Variants in AMOT observed in about 807,000 individuals in gnomAD.
The protein encoded by AMOT is angiomotin.
AMOT carries 11 observed loss-of-function variants against 67.0 expected under a neutral mutation model. That is an observed-to-expected ratio of 0.16 (90% CI 0.10 to 0.27). The LOEUF is 0.27. Among genes scored for constraint, AMOT ranks in the 10% least tolerant of loss-of-function variants. The pLI, the probability that AMOT is intolerant of heterozygous loss-of-function variation, is 1.00. For synonymous variants in AMOT, 326 were observed against 321.4 expected (o/e 1.01, Z -0.15); for missense variants, 753 against 852.0 (o/e 0.88, Z 1.45).
rs1932979410 is a variant in AMOT at position 112,777,930 on chromosome X, C to T, written c.*637G>A. On this transcript the variant is annotated 3_prime_UTR_variant, in exon 14 of 14. Coordinates refer to ENST00000371959, the MANE Select transcript of AMOT (RefSeq NM_001113490.2). ...CCTCCAGGAGGGAACCAAAAGAATC[C>T]ATTTCCAAAGCACCACTGAAATGAA... 1 of 112,336 alleles carries T rather than the reference C, an allele frequency of 8.9e-6. No individual in the cohort carries two copies. Among genetic ancestry groups the T allele is most frequent in the African/African-American group, 3.2e-5 (1 of 30,802 alleles). The allele number at this position is 112,336 out of a possible 1,213,427, so 9.3% of individuals were successfully genotyped here.
chrX:112,812,146 G>A (rs1050115811), intron 5 of AMOT, among the ~76,000 whole-genome samples: 1 of 111,910 alleles, frequency 8.9e-6, no homozygotes, highest in African/African-American at 3.3e-5. Flanking sequence ...TGGGGAAGTG[G>A]GGAGGAGAAC....
At chrX:112,807,150 G>C (rs1241123339) in intron 7 of AMOT, among the ~76,000 whole-genome samples, 1 of 110,805 alleles carries the variant, frequency 9.0e-6, no homozygotes, top group Non-Finnish European at 1.9e-5. Flanking sequence ...CCTTCCACAC[G>C]AGAGAAGGAA....
At chrX:112,795,553 AG>A (rs1382944929) in intron 8 of AMOT, among the ~76,000 whole-genome samples, 1 of 111,315 alleles carries the variant, frequency 9.0e-6, no homozygotes, top group East Asian at 2.8e-4. Flanking sequence ...CTACAATGGC[AG>A]AGTCGAACAG....
intron 8 of AMOT, 40 bp downstream of exon 8, chrX:112,804,907 T>TGCAACAGGTGGCAC: frequency 1.9e-6 from 1 of 525,001 alleles, no homozygotes. Context: ...TTCCCAGCCC[T>TGCAACAGGTGGCAC]CCCACCCCCA....
chrX:112,804,898 T>TGACCC, intron 8 of AMOT, 49 bp downstream of exon 8: 8 of 837,574 alleles, frequency 9.6e-6, no homozygotes, highest in East Asian at 3.8e-5. Context: ...GTCCCCGATT[T>TGACCC]CCCAGCCCTC....
In AMOT at chrX:112,780,929, G is replaced by T. The variant is rs2286063; in HGVS notation, c.2430C>A (p.Ile810=). 0.075 allele frequency: 90,511 copies of T among 1,209,693 alleles called. 3,496 individuals carry two copies. The highest frequency in any genetic ancestry group is 0.24 in the Admixed American group (10,818 of 45,746). ...TCTTGTCGTCTCGCTTTTCTTCCATGATGGGGGAGCCAGTCAGGGTGGATG... is the reference window on the plus strand; with the variant it reads ...TCTTGTCGTCTCGCTTTTCTTCCATTATGGGGGAGCCAGTCAGGGTGGATG... The part of the protein sequence containing the change: ...SHSSTLTGSP[I]MEEKRDDKSW... The change falls in exon 12 of 14, where the codon ATC becomes ATA. Residue 810 remains isoleucine (I), a synonymous_variant. Transcript: ENST00000371959.
intron 2 of AMOT, among the ~76,000 whole-genome samples, chrX:112,830,121 GA>G (rs1291227727): frequency 1.8e-5 from 2 of 111,573 alleles, no homozygotes; most frequent in Non-Finnish European, 3.8e-5. Context: ...TTTTAATAAA[GA>G]AAAAAATCAC....
intron 4 of AMOT, chrX:112,819,227 C>A: frequency 5.8e-6 from 2 of 347,572 alleles, no homozygotes; most frequent in Non-Finnish European, 7.5e-6. Flanking sequence ...CATGCACACA[C>A]ACACTCCACA....
intron 8 of AMOT, among the ~76,000 whole-genome samples, chrX:112,793,363 C>T (rs1425570710): frequency 8.9e-6 from 1 of 111,909 alleles, no homozygotes; most frequent in East Asian, 2.8e-4. Flanking sequence ...TAAGAAGTTA[C>T]CCACCCTACC....
At chrX:112,790,065 C>T (rs995068003) in intron 10 of AMOT, among the ~76,000 whole-genome samples, 4 of 102,977 alleles carry the variant, frequency 3.9e-5, no homozygotes, top group Admixed American at 1.1e-4. Context: ...CGCTCACGCA[C>T]GATGAGGTTA....
chrX:112,789,684 T>C (rs1437626490), intron 10 of AMOT, among the ~76,000 whole-genome samples: 1 of 110,496 alleles, frequency 9.1e-6, no homozygotes, highest in Non-Finnish European at 1.9e-5. Context: ...TTACCACGTT[T>C]AGGAGAATGT....
At position 112,776,206 on chromosome X, in the gene AMOT, A is replaced by G. The variant is rs1381349117; in HGVS notation, c.*2361T>C. ...AAGAGATGGCTACCACACAATGTGG[A>G]ATGTATGACATTTGTCACCTTGCAG... On this transcript the variant is annotated 3_prime_UTR_variant, in exon 14 of 14. Coordinates refer to ENST00000371959, the MANE Select transcript of AMOT (RefSeq NM_001113490.2). The G allele has an allele frequency of 8.9e-6, 1 of 112,393 alleles. No individual in the cohort carries two copies. Among genetic ancestry groups the G allele is most frequent in the Non-Finnish European group, 1.9e-5 (1 of 53,318 alleles). 9.3% of individuals were successfully genotyped at this position (112,393 alleles called of 1,213,427 possible).
At chrX:112,813,680 C>T (rs1007827122) in intron 5 of AMOT, among the ~76,000 whole-genome samples, 9 of 111,103 alleles carry the variant, frequency 8.1e-5, no homozygotes, top group Non-Finnish European at 3.8e-5. Flanking sequence ...AAAAAGGGCC[C>T]GTATTAGAGC....
chrX:112,801,247 T>C (rs1309777379), intron 8 of AMOT, among the ~76,000 whole-genome samples: 1 of 111,247 alleles, frequency 9.0e-6, no homozygotes, highest in Non-Finnish European at 1.9e-5. Context: ...TGTCTTTGAA[T>C]GGGAGAATAC....
At chrX:112,815,259 T>C in intron 5 of AMOT, 99 bp downstream of exon 5, 3 of 1,045,047 alleles carry the variant, frequency 2.9e-6, no homozygotes, top group East Asian at 3.0e-5. Context: ...CTGCCACAAG[T>C]AATGCTGGGA....
intron 1 of AMOT, among the ~76,000 whole-genome samples, chrX:112,838,514 A>C (rs141100663): frequency 0.031 from 3,432 of 111,882 alleles, 128 homozygotes; most frequent in African/African-American, 0.1. Context: ...GGCTATTCTT[A>C]AAGCATTCTA....
At chrX:112,815,224 C>A (rs1934505719) in intron 5 of AMOT, 134 bp downstream of exon 5, 1 of 861,557 alleles carries the variant, frequency 1.2e-6, no homozygotes, top group Non-Finnish European at 1.6e-6. Flanking sequence ...CATATCTAAC[C>A]TTCAGATATA....
chrX:112,815,954 T>C, intron 4 of AMOT, 77 bp from the exon 5 acceptor site: 2 of 1,115,558 alleles, frequency 1.8e-6, no homozygotes, highest in Non-Finnish European at 1.2e-6. Flanking sequence ...AAAAGTGAGA[T>C]GAGGAGGCTT....
intron 1 of AMOT, among the ~76,000 whole-genome samples, chrX:112,838,791 A>G (rs935569141): frequency 1.8e-5 from 2 of 112,705 alleles, no homozygotes; most frequent in Non-Finnish European, 3.7e-5. Context: ...TGAAGGTAGA[A>G]AAAGCACTTA....
Sources: allele counts gnomAD v4.1 joint callset (sites outside exome capture counted in the v4.1 genomes callset), GRCh38; gene constraint gnomAD v4.1.1; transcripts MANE v1.5; gene names NCBI Gene and HGNC (gene_info 2026-07-23, HGNC 2026-07-21).